Variants in SOX5 observed in about 807,000 individuals in gnomAD.
SOX5 encodes the protein SRY-box transcription factor 5, also known as transcription factor SOX-5.
A neutral mutation model predicts 92.0 loss-of-function variants in SOX5; 9 were observed. That is an observed-to-expected ratio of 0.10 (90% CI 0.06 to 0.17). The LOEUF (loss-of-function observed/expected upper bound fraction) is 0.17. Among genes scored for constraint, SOX5 ranks in the 10% least tolerant of loss-of-function variants. The pLI is 1.00. For missense variants in SOX5, 642 were observed against 944.5 expected, an observed-to-expected ratio of 0.68 and a Z score of 4.20; for synonymous variants, 344 against 336.3, an observed-to-expected ratio of 1.02 and a Z score of -0.25.
intron 1 of SOX5, among the ~76,000 whole-genome samples, chr12:24,448,761 T>G (rs1390046348): frequency 6.6e-6 from 1 of 152,166 alleles, no homozygotes; most frequent in Non-Finnish European, 1.5e-5. Flanking sequence ...TGGAATAATG[T>G]GGAGTAATAT....
intron 4 of SOX5, among the ~76,000 whole-genome samples, chr12:24,080,561 A>G (rs1282630133): frequency 2.0e-5 from 3 of 151,958 alleles, no homozygotes; most frequent in African/African-American, 4.8e-5. Context: ...TTTATTGCCA[A>G]TGCTGGTTTC....
At chr12:23,988,168 A>T (rs1357554012) in intron 4 of SOX5, among the ~76,000 whole-genome samples, 1 of 152,204 alleles carries the variant, frequency 6.6e-6, no homozygotes, top group African/African-American at 2.4e-5. Flanking sequence ...TATTTACAGT[A>T]ATGGAGGTGA....
At chr12:24,117,809 G>A (rs924936024) in intron 4 of SOX5, among the ~76,000 whole-genome samples, 1 of 151,800 alleles carries the variant, frequency 6.6e-6, no homozygotes, top group Non-Finnish European at 1.5e-5. Context: ...CACTTGAGGC[G>A]AGGGATTCAA....
intron 1 of SOX5, among the ~76,000 whole-genome samples, chr12:23,947,577 T>C (rs1016386146): frequency 4.6e-5 from 7 of 151,952 alleles, no homozygotes; most frequent in Non-Finnish European, 7.4e-5. Context: ...GAACGTTATA[T>C]TGTGTGACAT....
At chr12:24,384,061 C>T (rs1475378192) in intron 1 of SOX5, among the ~76,000 whole-genome samples, 1 of 152,158 alleles carries the variant, frequency 6.6e-6, no homozygotes. Context: ...AGATGTGCCT[C>T]TTCCTCTACC....
intron 4 of SOX5, among the ~76,000 whole-genome samples, chr12:24,009,081 C>T (rs1371697249): frequency 6.6e-6 from 1 of 152,206 alleles, no homozygotes; most frequent in Non-Finnish European, 1.5e-5. Context: ...GCTATTACAG[C>T]CATCCCAGCA....
chr12:24,172,109 G>T (rs28491386), intron 4 of SOX5, among the ~76,000 whole-genome samples: 1 of 148,568 alleles, frequency 6.7e-6, no homozygotes, highest in African/African-American at 2.5e-5. Flanking sequence ...GCGCGTGTGT[G>T]TCTGTGTGCT....
intron 4 of SOX5, among the ~76,000 whole-genome samples, chr12:24,172,918 T>C (rs571759001): frequency 6.6e-6 from 1 of 152,342 alleles, no homozygotes; most frequent in East Asian, 1.9e-4. Flanking sequence ...TGAAACTTTA[T>C]TATTAAAAGC....
intron 6 of SOX5, among the ~76,000 whole-genome samples, chr12:23,712,902 A>C (rs941895581): frequency 6.6e-6 from 1 of 152,216 alleles, no homozygotes; most frequent in African/African-American, 2.4e-5. Flanking sequence ...ATACCCAATA[A>C]ATAATTGCCA....
At chr12:23,914,290 A>G (rs1283764167) in intron 1 of SOX5, among the ~76,000 whole-genome samples, 1 of 152,174 alleles carries the variant, frequency 6.6e-6, no homozygotes, top group Non-Finnish European at 1.5e-5. Flanking sequence ...CACTGTTATA[A>G]AAGTAGAACA....
chr12:24,110,280 G>T (rs187183277), intron 4 of SOX5, among the ~76,000 whole-genome samples: 1 of 152,284 alleles, frequency 6.6e-6, no homozygotes, highest in Admixed American at 6.5e-5. Context: ...CTAATGAGTT[G>T]CTATCATGTA....
intron 6 of SOX5, among the ~76,000 whole-genome samples, chr12:23,699,243 G>A (rs2090296132): frequency 6.6e-6 from 1 of 152,124 alleles, no homozygotes; most frequent in South Asian, 2.1e-4. Flanking sequence ...GCCAAGTTCT[G>A]CCTGAGTTCT....
At chr12:24,045,595 G>A (rs546650904) in intron 4 of SOX5, among the ~76,000 whole-genome samples, 7 of 152,170 alleles carry the variant, frequency 4.6e-5, no homozygotes, top group South Asian at 4.1e-4. Context: ...CCATCTTGCC[G>A]GCCAGAAGAC....
At chr12:23,913,709 C>T (rs1198876510) in intron 1 of SOX5, among the ~76,000 whole-genome samples, 2 of 148,890 alleles carry the variant, frequency 1.3e-5, no homozygotes, top group Non-Finnish European at 3.0e-5. Flanking sequence ...GCACCCCAGC[C>T]TGGGCAACAA....
chr12:23,921,314 C>T (rs1252001385), intron 1 of SOX5, among the ~76,000 whole-genome samples: 2 of 151,930 alleles, frequency 1.3e-5, no homozygotes, highest in Admixed American at 1.3e-4. Context: ...ACAATGTACG[C>T]CCTATGAAAG....
At chr12:24,353,962 T>A (rs1954460945) in intron 2 of SOX5, among the ~76,000 whole-genome samples, 1 of 152,160 alleles carries the variant, frequency 6.6e-6, no homozygotes, top group Non-Finnish European at 1.5e-5. Flanking sequence ...CAACAAACAC[T>A]TGAAGAACCT....
intron 10 of SOX5, among the ~76,000 whole-genome samples, chr12:23,565,320 C>G (rs1486216562): frequency 2.0e-5 from 3 of 152,140 alleles, no homozygotes; most frequent in Non-Finnish European, 2.9e-5. Context: ...AAATACAACT[C>G]TTACATGACC....
chr12:23,838,827 A>G (rs2096469584), intron 3 of SOX5, among the ~76,000 whole-genome samples: 1 of 110,772 alleles, frequency 9.0e-6, no homozygotes, highest in Non-Finnish European at 1.7e-5. Context: ...TCTAATTCCC[A>G]GTAGTTCTTT....
intron 4 of SOX5, among the ~76,000 whole-genome samples, chr12:24,132,671 A>C (rs763347189): frequency 1.2e-3 from 184 of 152,332 alleles, no homozygotes; most frequent in Middle Eastern, 3.4e-3. Flanking sequence ...AATTCCTTCC[A>C]ACATAAAAAT....
Sources: gnomAD v4.1 joint callset for allele counts (sites outside exome capture counted in the v4.1 genomes callset) on GRCh38, gnomAD v4.1.1 for gene constraint, MANE v1.5 for transcripts, NCBI Gene and HGNC (gene_info 2026-07-23, HGNC 2026-07-21) for gene names.